CATSPERB: variants seen among roughly 807,000 people sequenced by gnomAD.
CATSPERB encodes catsper channel auxiliary subunit beta.
CATSPERB carries 93 observed loss-of-function variants against 128.3 expected under a neutral mutation model. The ratio of observed to expected loss-of-function variants is 0.72; its 90% CI spans 0.61 to 0.86. The LOEUF (loss-of-function observed/expected upper bound fraction) is 0.86, where lower values mean the gene tolerates loss of function less well. CATSPERB is among the 40% of genes least tolerant of loss of function. The pLI is 0.00. For synonymous variants in CATSPERB, 381 were observed against 448.8 expected (o/e 0.85, Z 1.91); for missense variants, 1,153 against 1,329.5 (o/e 0.87, Z 2.06).
chr14:91,648,367 G>A (rs1487643297), intron 15 of CATSPERB, among the ~76,000 whole-genome samples: 2 of 152,100 alleles, frequency 1.3e-5, no homozygotes, highest in African/African-American at 2.4e-5. Context: ...TCATCAATAA[G>A]TCATCCCTAG....
At chr14:91,640,049 A>C (rs935299913) in intron 15 of CATSPERB, among the ~76,000 whole-genome samples, 1 of 152,058 alleles carries the variant, frequency 6.6e-6, no homozygotes, top group Non-Finnish European at 1.5e-5. Context: ...TCTTCCCTGA[A>C]GTCTAGGCTT....
chr14:91,615,405 G>C (rs1893917362), intron 20 of CATSPERB, among the ~76,000 whole-genome samples: 1 of 152,168 alleles, frequency 6.6e-6, no homozygotes, highest in Non-Finnish European at 1.5e-5. Context: ...CATGAAACTG[G>C]TTCCTGGTGC....
At chr14:91,710,327 T>C (rs1895817450) in intron 5 of CATSPERB, 1 of 152,236 alleles carries the variant, frequency 6.6e-6, no homozygotes, top group African/African-American at 2.4e-5. Flanking sequence ...TGTATTCAAA[T>C]TCTAATAGAT....
intron 22 of CATSPERB, among the ~76,000 whole-genome samples, chr14:91,602,646 CA>C (rs201581764): frequency 2.2e-4 from 33 of 149,022 alleles, no homozygotes; most frequent in Admixed American, 5.4e-4. Flanking sequence ...AATATTTGTA[CA>C]AAAAAAAACA....
chr14:91,678,761 T>G (rs1299012330), intron 11 of CATSPERB, among the ~76,000 whole-genome samples: 1 of 152,230 alleles, frequency 6.6e-6, no homozygotes, highest in Non-Finnish European at 1.5e-5. Flanking sequence ...GCATAAAAGT[T>G]ATAAGGCTAT....
At chr14:91,618,320 G>A (rs912443154) in intron 19 of CATSPERB, among the ~76,000 whole-genome samples, 10 of 152,096 alleles carry the variant, frequency 6.6e-5, no homozygotes, top group African/African-American at 4.8e-5. Context: ...TGCTAACCTC[G>A]TATCTCATCC....
At chr14:91,652,334 C>T (rs1292348241) in intron 15 of CATSPERB, among the ~76,000 whole-genome samples, 1 of 151,950 alleles carries the variant, frequency 6.6e-6, no homozygotes, top group African/African-American at 2.4e-5. Flanking sequence ...ATATACTTAA[C>T]ATTATTACTC....
At chr14:91,699,731 G>A (rs977778883) in intron 7 of CATSPERB, among the ~76,000 whole-genome samples, 4 of 151,488 alleles carry the variant, frequency 2.6e-5, no homozygotes, top group African/African-American at 9.7e-5. Context: ...CCACTACCAC[G>A]CCCTACTAAT....
rs763735406 is a variant in CATSPERB at position 91,693,437 on chromosome 14, T to A, written c.659A>T (p.Tyr220Phe). 2 of 1,614,018 alleles carry A rather than the reference T, an allele frequency of 1.2e-6. No individual in the cohort carries two copies. Among genetic ancestry groups the A allele is most frequent in the South Asian group, 2.2e-5 (2 of 91,078 alleles). The change falls in exon 8 of 27, where the codon TAT becomes TTT. Residue 220 changes from tyrosine (Y) to phenylalanine (F), a missense_variant. Tyr to Phe is a conservative substitution (Grantham distance 22). Coordinates refer to ENST00000256343, the MANE Select transcript of CATSPERB (RefSeq NM_024764.4). ...TGTCATGTTAAACCATGTGGTATCATAATCATGCCAGAATCCACCAAAGGT... is the reference window on the plus strand; with the variant it reads ...TGTCATGTTAAACCATGTGGTATCAAAATCATGCCAGAATCCACCAAAGGT... ...GITFGGFWHDYDTTWFNMTQT... is the reference protein window; with the variant it reads ...GITFGGFWHDFDTTWFNMTQT...
At chr14:91,603,160 T>G (rs1893637669) in intron 22 of CATSPERB, 38 of 787,540 alleles carry the variant, frequency 4.8e-5, no homozygotes, top group South Asian at 4.6e-4. Flanking sequence ...CCTTCATGTA[T>G]CTTTTACTAT....
intron 15 of CATSPERB, among the ~76,000 whole-genome samples, chr14:91,641,003 T>C (rs1322437490): frequency 1.4e-5 from 2 of 144,142 alleles, no homozygotes; most frequent in Non-Finnish European, 3.1e-5. Context: ...TGAGCATTTT[T>C]TCATGTGTTT....
chr14:91,721,004 C>A (rs1027684176), intron 4 of CATSPERB, among the ~76,000 whole-genome samples: 6 of 152,074 alleles, frequency 3.9e-5, no homozygotes, highest in African/African-American at 1.4e-4. Context: ...ACAAGTCATG[C>A]TAGGATGGCT....
intron 22 of CATSPERB, among the ~76,000 whole-genome samples, chr14:91,596,969 C>T (rs1483639191): frequency 6.6e-6 from 1 of 151,822 alleles, no homozygotes; most frequent in Admixed American, 6.6e-5. Context: ...TCACTGCAAG[C>T]TCCACCTCCT....
chr14:91,629,916 G>A (rs895676805), intron 17 of CATSPERB, among the ~76,000 whole-genome samples: 4 of 152,090 alleles, frequency 2.6e-5, no homozygotes, highest in African/African-American at 9.7e-5. Flanking sequence ...AGGTGGAGAG[G>A]AACAACTGTT....
intron 13 of CATSPERB, among the ~76,000 whole-genome samples, chr14:91,671,981 C>G (rs1486863594): frequency 6.6e-6 from 1 of 151,190 alleles, no homozygotes; most frequent in Non-Finnish European, 1.5e-5. Context: ...GATTGCACCA[C>G]TGCACTCCAG....
chr14:91,680,437 G>A (rs1895260992), intron 11 of CATSPERB, among the ~76,000 whole-genome samples: 1 of 152,170 alleles, frequency 6.6e-6, no homozygotes, highest in Non-Finnish European at 1.5e-5. Context: ...ATAACTAATT[G>A]CTACAAGCTA....
At chr14:91,700,292 G>A (rs1256839106) in intron 7 of CATSPERB, among the ~76,000 whole-genome samples, 3 of 152,086 alleles carry the variant, frequency 2.0e-5, no homozygotes, top group Non-Finnish European at 4.4e-5. Flanking sequence ...ATAGTAATAC[G>A]CTGCTGGATT....
rs1893492608 is a variant in CATSPERB at position 91,595,546 on chromosome 14, C to A, written c.2710-3544G>T. On this transcript the variant is annotated intron_variant, in intron 22 of 26. Transcript: ENST00000256343. ...CTATGAGTTGTGTGAATTTCCTCTC[C>A]TCTTGAGGATCCAAGATAAACCTGG... 2.0e-5 allele frequency among the ~76,000 whole-genome samples: 3 copies of A among 152,148 alleles called. No homozygotes were observed. In the South Asian group the frequency reaches 6.2e-4, roughly 32 times the overall value.
chr14:91,718,757 T>A (rs985307723), intron 5 of CATSPERB, among the ~76,000 whole-genome samples: 2 of 152,246 alleles, frequency 1.3e-5, no homozygotes, highest in African/African-American at 4.8e-5. Context: ...TTCCTTCCTA[T>A]AAGATGGCGC....
Sources: gnomAD v4.1 joint callset for allele counts (sites outside exome capture counted in the v4.1 genomes callset) on GRCh38, gnomAD v4.1.1 for gene constraint, MANE v1.5 for transcripts, NCBI Gene and HGNC (gene_info 2026-07-23, HGNC 2026-07-21) for gene names.